Variants in FAM184B observed in about 807,000 individuals in gnomAD.
FAM184B encodes the protein protein FAM184B.
A neutral mutation model predicts 135.9 loss-of-function variants in FAM184B; 111 were observed. The ratio of observed to expected loss-of-function variants is 0.82; its 90% CI spans 0.70 to 0.96. The LOEUF (loss-of-function observed/expected upper bound fraction) is 0.96. Among genes scored for constraint, FAM184B ranks in the 40% least tolerant of loss-of-function variants. The pLI, the probability that FAM184B is intolerant of heterozygous loss-of-function variation, is 0.00. For synonymous variants in FAM184B, 552 were observed against 524.8 expected (o/e 1.05, Z -0.71); for missense variants, 1,375 against 1,323.9 (o/e 1.04, Z -0.60).
intron 1 of FAM184B, among the ~76,000 whole-genome samples, chr4:17,713,641 G>A (rs1370100474): frequency 6.6e-6 from 1 of 152,202 alleles, no homozygotes; most frequent in African/African-American, 2.4e-5. Context: ...CTGAGCAAAT[G>A]GGGTTCAGAG....
Position 17,635,010 on chromosome 4 carries a change from T to C in FAM184B, c.2888A>G (p.Lys963Arg). Residue 963 changes from lysine (K) to arginine (R), a missense_variant and splice_region_variant, in exon 16 of 18, where the codon AAG becomes AGG. Coordinates refer to ENST00000265018, the MANE Select transcript of FAM184B (RefSeq NM_015688.2). The part of the protein sequence containing the change: ...PHPGYLTPSM[K>R]KKKVEDVPSR... The stretch of plus-strand genomic sequence containing the variant: ...TTAAAACCATTAGAACCAATTTACC[T>C]TCATGGAAGGGGTCAAATATCCCGG... 6.4e-7 allele frequency: 1 copy of C among 1,550,782 alleles called. No individual in the cohort carries two copies. The highest frequency in any genetic ancestry group is 1.2e-5 in the South Asian group (1 of 84,024).
At chr4:17,780,345 A>C (rs1577300607) in intron 1 of FAM184B, among the ~76,000 whole-genome samples, 1 of 152,300 alleles carries the variant, frequency 6.6e-6, no homozygotes, top group East Asian at 1.9e-4. Context: ...CCCAAGGCAA[A>C]CAGCTAAATT....
intron 2 of FAM184B, among the ~76,000 whole-genome samples, chr4:17,708,663 CTATA>C (rs60087211): frequency 0.035 from 593 of 16,954 alleles, 11 homozygotes; most frequent in East Asian, 0.04. Flanking sequence ...GGAAACAAAA[CTATA>C]TATATATATA....
intron 1 of FAM184B, among the ~76,000 whole-genome samples, chr4:17,774,664 A>C (rs1299583054): frequency 6.6e-6 from 1 of 152,190 alleles, no homozygotes; most frequent in Admixed American, 6.5e-5. Flanking sequence ...ATTTGAAAAA[A>C]ATACTAATAC....
chr4:17,761,657 G>A, intron 1 of FAM184B, among the ~76,000 whole-genome samples: 1 of 152,138 alleles, frequency 6.6e-6, no homozygotes, highest in East Asian at 1.9e-4. Context: ...CTCCCAAGCA[G>A]CTGGGATTAC....
chr4:17,646,123 T>C (rs1377230371), intron 12 of FAM184B, among the ~76,000 whole-genome samples: 1 of 152,218 alleles, frequency 6.6e-6, no homozygotes, highest in Non-Finnish European at 1.5e-5. Flanking sequence ...ACTTTGACAC[T>C]GTTGGTGGGA....
At chr4:17,645,808 A>C (rs1009170300) in intron 12 of FAM184B, among the ~76,000 whole-genome samples, 149 of 152,128 alleles carry the variant, frequency 9.8e-4, no homozygotes, top group African/African-American at 3.4e-3. Context: ...GAATGGGAGA[A>C]AATTTTTGCA....
chr4:17,633,315 C>G (rs1490731412), intron 17 of FAM184B: 1 of 167,538 alleles, frequency 6.0e-6, no homozygotes, highest in Non-Finnish European at 1.3e-5. Flanking sequence ...ATTTTTGTGC[C>G]AAGTCCTGTG....
intron 1 of FAM184B, among the ~76,000 whole-genome samples, chr4:17,754,598 A>G (rs1174619854): frequency 6.6e-6 from 1 of 151,568 alleles, no homozygotes; most frequent in Non-Finnish European, 1.5e-5. Flanking sequence ...GAAACTTTAG[A>G]TCTACAGCAT....
At chr4:17,642,464 A>C (rs1245978173) in intron 12 of FAM184B, among the ~76,000 whole-genome samples, 1 of 152,140 alleles carries the variant, frequency 6.6e-6, no homozygotes, top group Non-Finnish European at 1.5e-5. Context: ...TGAGCTAAGA[A>C]TGGGTCTTGC....
chr4:17,761,207 C>T (rs62412705), intron 1 of FAM184B, among the ~76,000 whole-genome samples: 1 of 152,112 alleles, frequency 6.6e-6, no homozygotes, highest in Non-Finnish European at 1.5e-5. Flanking sequence ...AGGGAGTCCC[C>T]TCACATGTCC....
intron 1 of FAM184B, among the ~76,000 whole-genome samples, chr4:17,726,754 T>G (rs1202161874): frequency 6.6e-6 from 1 of 152,162 alleles, no homozygotes; most frequent in Non-Finnish European, 1.5e-5. Flanking sequence ...GGTAGGCTCT[T>G]GACAAAGTAG....
intron 1 of FAM184B, among the ~76,000 whole-genome samples, chr4:17,778,483 C>G (rs1718974180): frequency 6.6e-6 from 1 of 152,068 alleles, no homozygotes; most frequent in Non-Finnish European, 1.5e-5. Context: ...ACTGTAGATT[C>G]AAGAAAAAGA....
intron 7 of FAM184B, among the ~76,000 whole-genome samples, chr4:17,681,034 T>C (rs939883209): frequency 6.6e-6 from 1 of 152,228 alleles, no homozygotes; most frequent in African/African-American, 2.4e-5. Context: ...AAAGTCAACT[T>C]ACATTGACAG....
At chr4:17,705,506 G>GCCAGTTT (rs1211262663) in intron 4 of FAM184B, among the ~76,000 whole-genome samples, 1 of 152,188 alleles carries the variant, frequency 6.6e-6, no homozygotes, top group African/African-American at 2.4e-5. Flanking sequence ...GAGATCCTAA[G>GCCAGTTT]CCAGTTTCCA....
In FAM184B at chr4:17,636,521, G is replaced by T; in HGVS notation, c.2784+7C>A. The stretch of plus-strand genomic sequence containing the variant: ...TGCGTGGGTGAGGCGCCCCCTGACA[G>T]CCTCACCGTGAGCTGCTTGATGATG... On this transcript the variant is annotated splice_region_variant and intron_variant, in intron 15 of 17. Transcript: ENST00000265018. 2 of 1,549,042 alleles carry T rather than the reference G, an allele frequency of 1.3e-6. No individual in the cohort carries two copies. The highest frequency in any genetic ancestry group is 8.7e-7 in the Non-Finnish European group (1 of 1,145,880).
chr4:17,753,643 TC>T (rs1387845643), intron 1 of FAM184B, among the ~76,000 whole-genome samples: 1 of 152,308 alleles, frequency 6.6e-6, no homozygotes, highest in Admixed American at 6.5e-5. Context: ...TCAGTAGCTT[TC>T]CCAATGTTTG....
chr4:17,734,057 A>C (rs1273645060), intron 1 of FAM184B, among the ~76,000 whole-genome samples: 1 of 152,088 alleles, frequency 6.6e-6, no homozygotes, highest in Non-Finnish European at 1.5e-5. Flanking sequence ...CTTTGACAAA[A>C]CTGACAAAAA....
intron 8 of FAM184B, among the ~76,000 whole-genome samples, chr4:17,663,767 C>T (rs1229675209): frequency 1.3e-5 from 2 of 152,120 alleles, no homozygotes; most frequent in Non-Finnish European, 2.9e-5. Context: ...TTGTAATCCC[C>T]ATAATCCCCA....
Sources: allele counts gnomAD v4.1 joint callset (sites outside exome capture counted in the v4.1 genomes callset), GRCh38; gene constraint gnomAD v4.1.1; transcripts MANE v1.5; gene names NCBI Gene and HGNC (gene_info 2026-07-23, HGNC 2026-07-21).